ASCC1: variants seen among roughly 807,000 people sequenced by gnomAD.
The protein encoded by ASCC1 is ASC-1 complex subunit P50.
A neutral mutation model predicts 46.6 loss-of-function variants in ASCC1; 35 were observed. The ratio of observed to expected loss-of-function variants is 0.75; its 90% CI spans 0.57 to 0.99. The LOEUF (loss-of-function observed/expected upper bound fraction) is 0.99, where lower values mean the gene tolerates loss of function less well. Ranked by LOEUF, ASCC1 falls within the 50% of genes least tolerant of loss-of-function variation. ASCC1 has a pLI of 0.00. For synonymous variants in ASCC1, 143 were observed against 146.6 expected, an observed-to-expected ratio of 0.98 and a Z score of 0.18; for missense variants, 376 against 428.7, an observed-to-expected ratio of 0.88 and a Z score of 1.09.
At chr10:72,123,094 T>G (rs112151128) in intron 9 of ASCC1, among the ~76,000 whole-genome samples, 1 of 152,088 alleles carries the variant, frequency 6.6e-6, no homozygotes, top group South Asian at 2.1e-4. Context: ...TCCCAGCACT[T>G]TGGGAGGCCG....
intron 6 of ASCC1, among the ~76,000 whole-genome samples, chr10:72,154,833 G>A (rs1848763512): frequency 6.6e-6 from 1 of 152,074 alleles, no homozygotes; most frequent in Non-Finnish European, 1.5e-5. Flanking sequence ...TTTGTTTTGA[G>A]TACCAAAAGA....
chr10:72,184,069 G>A (rs1291568405), intron 5 of ASCC1, among the ~76,000 whole-genome samples: 2 of 151,662 alleles, frequency 1.3e-5, no homozygotes, highest in Non-Finnish European at 2.9e-5. Flanking sequence ...GCTTGAACCG[G>A]GGAGGCGGAG....
chr10:72,122,151 C>T (rs368813780), intron 9 of ASCC1, among the ~76,000 whole-genome samples: 6 of 152,128 alleles, frequency 3.9e-5, no homozygotes, highest in African/African-American at 1.2e-4. Context: ...CCAGGCGCAG[C>T]GGCTCACGCC....
Position 72,096,675 on chromosome 10 carries a change from A to T in ASCC1, c.*659T>A, listed in dbSNP as rs1400813210. The stretch of plus-strand genomic sequence containing the variant: ...GAGGAAGCAAGCCAAGTGTTCACTG[A>T]TGGAGGAACAGAGTGTGGTACGCAC... On this transcript the variant is annotated 3_prime_UTR_variant, in exon 10 of 10. Coordinates refer to ENST00000672957, the MANE Select transcript of ASCC1 (RefSeq NM_001198800.3). 2.2e-6 allele frequency: 1 copy of T among 454,168 alleles called. No individual in the cohort carries two copies. Among genetic ancestry groups the T allele is most frequent in the South Asian group, 1.6e-5 (1 of 64,484 alleles). 28.1% of individuals were successfully genotyped at this position (454,168 alleles called of 1,614,324 possible).
intron 7 of ASCC1, among the ~76,000 whole-genome samples, chr10:72,143,546 T>C (rs1352392555): frequency 6.6e-6 from 1 of 150,778 alleles, no homozygotes; most frequent in Non-Finnish European, 1.5e-5. Flanking sequence ...TAGGTAACCT[T>C]GTTTTATCTC....
chr10:72,153,753 T>C (rs907762266), intron 6 of ASCC1, among the ~76,000 whole-genome samples: 5 of 150,268 alleles, frequency 3.3e-5, no homozygotes, highest in African/African-American at 1.2e-4. Context: ...TTTGAGACAG[T>C]TTTGCTAGTC....
At chr10:72,145,000 T>G (rs900027251) in intron 7 of ASCC1, among the ~76,000 whole-genome samples, 1 of 152,240 alleles carries the variant, frequency 6.6e-6, no homozygotes, top group Non-Finnish European at 1.5e-5. Context: ...CCGTTTTTGT[T>G]CATCTCTGAA....
chr10:72,204,308 C>T, intron 3 of ASCC1: 3 of 1,202,550 alleles, frequency 2.5e-6, no homozygotes, highest in East Asian at 2.6e-5. Flanking sequence ...TCTGAGGACT[C>T]ATGGCAACAG....
intron 3 of ASCC1, among the ~76,000 whole-genome samples, chr10:72,207,771 C>T (rs1436778230): frequency 2.0e-5 from 3 of 151,792 alleles, no homozygotes; most frequent in African/African-American, 7.3e-5. Flanking sequence ...CTTTCTTGAT[C>T]CAAATAAGCC....
intron 3 of ASCC1, among the ~76,000 whole-genome samples, chr10:72,205,750 C>T (rs972807711): frequency 3.3e-5 from 5 of 151,938 alleles, no homozygotes; most frequent in African/African-American, 1.2e-4. Flanking sequence ...AAGCAGAGAT[C>T]GCACCACTGC....
In ASCC1 at chr10:72,102,541, C is replaced by T. The variant is rs193120755; in HGVS notation, c.958-5091G>A. 1.1e-3 allele frequency: 795 copies of T among 707,186 alleles called. 8 individuals carry two copies. In the African/African-American group the frequency reaches 0.012, roughly 11 times the overall value. 43.8% of individuals were successfully genotyped at this position (707,186 alleles called of 1,614,324 possible). ...TTGTCTATGTTACAAGTTGCAAATA[C>T]ATGTATTTCCTCTAGTTTGTCACTT... On this transcript the variant is annotated intron_variant, in intron 9 of 9. Coordinates refer to ENST00000672957, the MANE Select transcript of ASCC1 (RefSeq NM_001198800.3).
At chr10:72,155,510 C>T (rs952263191) in intron 6 of ASCC1, among the ~76,000 whole-genome samples, 25 of 152,144 alleles carry the variant, frequency 1.6e-4, no homozygotes, top group African/African-American at 5.6e-4. Context: ...TTGGTCAAAG[C>T]TCATCAACTA....
chr10:72,203,233 C>A (rs1035868945), intron 4 of ASCC1, among the ~76,000 whole-genome samples, 194 bp downstream of exon 4: 3 of 150,896 alleles, frequency 2.0e-5, no homozygotes, highest in Non-Finnish European at 2.9e-5. Context: ...TTGCAGTGAG[C>A]CGAGATCACA....
chr10:72,195,772 TGC>T (rs1855327459), intron 5 of ASCC1, among the ~76,000 whole-genome samples: 1 of 151,274 alleles, frequency 6.6e-6, no homozygotes, highest in African/African-American at 2.4e-5. Context: ...ATGCAGAGGT[TGC>T]AGTGAGCCAA....
chr10:72,173,573 A>G (rs1056465232), intron 5 of ASCC1, among the ~76,000 whole-genome samples: 2 of 152,196 alleles, frequency 1.3e-5, no homozygotes, highest in Admixed American at 6.5e-5. Flanking sequence ...ATTTACAAGT[A>G]ACTCCACTGG....
intron 9 of ASCC1, among the ~76,000 whole-genome samples, chr10:72,123,288 G>A (rs959187971): frequency 4.6e-5 from 7 of 150,600 alleles, no homozygotes; most frequent in East Asian, 2.0e-4. Flanking sequence ...GCAGTGAGCC[G>A]GGATCGTGCC....
intron 5 of ASCC1, among the ~76,000 whole-genome samples, chr10:72,172,991 TTATA>T (rs952293657): frequency 8.5e-5 from 12 of 141,950 alleles, no homozygotes; most frequent in African/African-American, 2.8e-4. Context: ...TATTTTTATA[TTATA>T]TATATATTTC....
chr10:72,145,769 A>G (rs1847553340), intron 7 of ASCC1, among the ~76,000 whole-genome samples: 1 of 152,206 alleles, frequency 6.6e-6, no homozygotes, highest in Non-Finnish European at 1.5e-5. Context: ...TCTGTAAACT[A>G]CACTGGAGCA....
At chr10:72,214,320 A>G (rs1242697393) in intron 1 of ASCC1, among the ~76,000 whole-genome samples, 3 of 150,938 alleles carry the variant, frequency 2.0e-5, no homozygotes, top group Non-Finnish European at 4.4e-5. Flanking sequence ...TAACCTAATG[A>G]GTAAAATGCA....
Sources: allele counts gnomAD v4.1 joint callset (sites outside exome capture counted in the v4.1 genomes callset), GRCh38; gene constraint gnomAD v4.1.1; transcripts MANE v1.5; gene names NCBI Gene and HGNC (gene_info 2026-07-23, HGNC 2026-07-21).